Variants in BARHL1 observed in about 807,000 individuals in gnomAD.
BARHL1 encodes barH-like 1 homeobox protein.
BARHL1 carries 2 observed loss-of-function variants against 20.1 expected under a neutral mutation model. The observed-to-expected ratio is 0.10, with a 90% confidence interval of 0.04 to 0.31. BARHL1 has a LOEUF of 0.31. Ranked by LOEUF, BARHL1 falls within the 10% of genes least tolerant of loss-of-function variation. The probability of loss-of-function intolerance (pLI) is 1.00; values close to 1 mark genes in which losing one functional copy is unlikely to be tolerated. For missense variants in BARHL1, 397 were observed against 454.0 expected (o/e 0.87, Z 1.14); for synonymous variants, 213 against 209.9 (o/e 1.01, Z -0.13).
At position 132,589,744 on chromosome 9, in the gene BARHL1, C is replaced by T. The variant is rs1296748386; in HGVS notation, c.*222C>T. ...CCCCCCTCGGCGTCCTCTCTCGCGG[C>T]CGCTCTGTCCGGGAGCCATCCCCAC... On this transcript the variant is annotated 3_prime_UTR_variant, in exon 3 of 3. Transcript: ENST00000263610. The T allele has an allele frequency of 5.6e-6, 3 of 540,520 alleles. No individual in the cohort carries two copies. Among genetic ancestry groups the T allele is most frequent in the African/African-American group, 2.0e-5 (1 of 50,218 alleles). 33.5% of individuals were successfully genotyped at this position (540,520 alleles called of 1,614,324 possible). A position where few individuals can be genotyped will look rare whatever the true frequency, so the allele number is the denominator to read the frequency against.
In BARHL1 at chr9:132,589,459, C is replaced by G; in HGVS notation, c.921C>G (p.Ser307Arg). The change falls in exon 3 of 3, where the codon AGC becomes AGG. Residue 307 changes from serine to arginine, a missense_variant. Transcript: ENST00000263610. ...RILIHGLQGA[S>R]EPPPPLPPLA... Reference sequence around the variant, plus strand: ...TCATCCACGGACTCCAGGGCGCCAGCGAGCCGCCCCCGCCGCTGCCCCCCC... The same window carrying G: ...TCATCCACGGACTCCAGGGCGCCAGGGAGCCGCCCCCGCCGCTGCCCCCCC... 1 of 1,494,884 alleles carries G rather than the reference C, an allele frequency of 6.7e-7. No individual in the cohort carries two copies. The highest frequency in any genetic ancestry group is 8.9e-7 in the Non-Finnish European group (1 of 1,124,752). 92.6% of individuals were successfully genotyped at this position (1,494,884 alleles called of 1,614,324 possible).
chr9:132,583,473 G>C (rs1005136883), intron 1 of BARHL1, among the ~76,000 whole-genome samples: 1 of 152,182 alleles, frequency 6.6e-6, no homozygotes, highest in Non-Finnish European at 1.5e-5. Context: ...TGTGGGCAGG[G>C]GAGGGATACT....
rs763511866 is a variant in BARHL1, at chr9:132,587,543, G to A, written c.681G>A (p.Gln227=). ...LTDTQVKTWY[Q]NRRTKWKRQT... is the part of the protein sequence containing the mutation. ...ACACGCAGGTCAAGACCTGGTACCA[G>A]AACCGCAGGTGAGGCCTGGCTGCGG... The change falls in exon 2 of 3, where the codon CAG becomes CAA. Residue 227 remains glutamine, a synonymous_variant. Transcript: ENST00000263610. The surrounding 1 kb of genome is among the most constrained non-coding windows in gnomAD (Gnocchi z 5.5). 6.2e-7 allele frequency: 1 copy of A among 1,610,368 alleles called. No individual in the cohort carries two copies. Among genetic ancestry groups the A allele is most frequent in the South Asian group, 1.1e-5 (1 of 90,420 alleles).
intron 1 of BARHL1, 86 bp downstream of exon 1, chr9:132,583,349 A>G: frequency 1.6e-6 from 2 of 1,239,008 alleles, no homozygotes; most frequent in Non-Finnish European, 2.2e-6. Flanking sequence ...CGGGACATGC[A>G]CTCGCTCACC....
Position 132,587,270 on chromosome 9 carries a change from G to C in BARHL1, c.467-59G>C, listed in dbSNP as rs916448306. ...GGTTACACAAACGCCACGGGCAGGA[G>C]CGGGAGGGCACCGGCGGCGGCTGCG... On this transcript the variant is annotated intron_variant, in intron 1 of 2. Coordinates refer to ENST00000263610, the MANE Select transcript of BARHL1 (RefSeq NM_020064.4). The surrounding 1 kb of genome is among the most constrained non-coding windows in gnomAD (Gnocchi z 5.5). 9 of 1,464,142 alleles carry C rather than the reference G, an allele frequency of 6.1e-6. No individual in the cohort carries two copies. The highest frequency in any genetic ancestry group is 8.4e-6 in the Non-Finnish European group (9 of 1,077,072). The allele number at this position is 1,464,142 out of a possible 1,614,324, so 90.7% of individuals were successfully genotyped here.
Position 132,582,747 on chromosome 9 carries a change from G to A in BARHL1, c.-51G>A. ...CTAGGGGCAGGGGCAGCGGCGGCTG[G>A]GGTTGGGGGTGGGTGGGGAGCTTTT... On this transcript the variant is annotated 5_prime_UTR_variant, in exon 1 of 3. Coordinates refer to ENST00000263610, the MANE Select transcript of BARHL1 (RefSeq NM_020064.4). The A allele has an allele frequency of 1.4e-6, 2 of 1,479,384 alleles. No homozygotes were observed. Among genetic ancestry groups the A allele is most frequent in the Non-Finnish European group, 1.8e-6 (2 of 1,093,106 alleles). The allele number at this position is 1,479,384 out of a possible 1,614,324, so 91.6% of individuals were successfully genotyped here.
At chr9:132,583,371 C>A in intron 1 of BARHL1, 108 bp downstream of exon 1, 1 of 1,014,132 alleles carries the variant, frequency 9.9e-7, no homozygotes, top group Non-Finnish European at 1.4e-6. Context: ...GGGGGCTCCC[C>A]CAGGGCTCAG....
Position 132,589,474 on chromosome 9 carries a change from G to C in BARHL1, c.936G>C (p.Pro312=), listed in dbSNP as rs1200173501. The change falls in exon 3 of 3, where the codon CCG becomes CCC. Residue 312 remains proline (P), a synonymous_variant. Transcript: ENST00000263610. ...GLQGASEPPP[P]LPPLAGVLPR... is the part of the protein sequence containing the mutation. Reference sequence around the variant, plus strand: ...AGGGCGCCAGCGAGCCGCCCCCGCCGCTGCCCCCCCTGGCCGGCGTCCTCC... The same window carrying C: ...AGGGCGCCAGCGAGCCGCCCCCGCCCCTGCCCCCCCTGGCCGGCGTCCTCC... 3 of 1,519,530 alleles carry C rather than the reference G, an allele frequency of 2.0e-6. No homozygotes were observed. The highest frequency in any genetic ancestry group is 2.6e-6 in the Non-Finnish European group (3 of 1,135,906). 94.1% of individuals were successfully genotyped at this position (1,519,530 alleles called of 1,614,324 possible).
Position 132,589,431 on chromosome 9 carries a change from T to C in BARHL1, c.893T>C (p.Ile298Thr). Reference sequence around the variant, plus strand: ...CTCCAGAGACCTCTGGTGCCCCGCATCCTCATCCACGGACTCCAGGGCGCC... The same window carrying C: ...CTCCAGAGACCTCTGGTGCCCCGCACCCTCATCCACGGACTCCAGGGCGCC... ...PALQRPLVPR[I>T]LIHGLQGASE... Residue 298 changes from isoleucine to threonine, a missense_variant, in exon 3 of 3, where the codon ATC (isoleucine) becomes ACC (threonine). Ile to Thr is a moderately conservative substitution (Grantham distance 89, BLOSUM62 -1). Coordinates refer to ENST00000263610, the MANE Select transcript of BARHL1 (RefSeq NM_020064.4). 2 of 1,608,552 alleles carry C rather than the reference T, an allele frequency of 1.2e-6. No individual in the cohort carries two copies. Among genetic ancestry groups the C allele is most frequent in the Non-Finnish European group, 1.7e-6 (2 of 1,178,286 alleles).
rs1830181911 is a variant in BARHL1 at position 132,589,387 on chromosome 9, C to T, written c.849C>T (p.Pro283=). ...CGGCGCTCTACCTGTACCGCGGCCC[C>T]AGCGCGCCGCCGCCTGCTCTCCAGA... ...PGAALYLYRG[P]SAPPPALQRP... Residue 283 remains proline (P), a synonymous_variant, in exon 3 of 3, where the codon CCC becomes CCT. Transcript: ENST00000263610. 6.2e-7 allele frequency: 1 copy of T among 1,612,576 alleles called. No individual in the cohort carries two copies. The highest frequency in any genetic ancestry group is 1.7e-5 in the Admixed American group (1 of 59,944).
Position 132,587,612 on chromosome 9 carries a change from G to T in BARHL1, c.689+61G>T. The T allele has an allele frequency of 6.8e-7, 1 of 1,477,936 alleles. No individual in the cohort carries two copies. The highest frequency in any genetic ancestry group is 9.2e-7 in the Non-Finnish European group (1 of 1,084,742). 91.6% of individuals were successfully genotyped at this position (1,477,936 alleles called of 1,614,324 possible). On this transcript the variant is annotated intron_variant, in intron 2 of 2. Transcript: ENST00000263610. This position sits in a 1 kb window ranked among gnomAD's most constrained non-coding sequence, Gnocchi z 5.5. ...AACTTCCCCTTTCCTCACAGCTCCT[G>T]GAGGGGACCAGGAGTCTACAGGTTG...
rs112968886 is a variant in BARHL1 at position 132,587,997 on chromosome 9, G to A, written c.689+446G>A. Among the ~76,000 whole-genome samples, 167 of 152,292 alleles carry A rather than the reference G, an allele frequency of 1.1e-3. 2 individuals are homozygous for A. Among genetic ancestry groups the A allele is most frequent in the South Asian group, 3.7e-3 (18 of 4,826 alleles). ...GGGGTGTTGAAGCCTGGCCCAGACC[G>A]GGCAGCTGCCGCAGGGGCCTCAGAG... is the stretch of plus-strand genomic sequence containing the variant. On this transcript the variant is annotated intron_variant, in intron 2 of 2. Coordinates refer to ENST00000263610, the MANE Select transcript of BARHL1 (RefSeq NM_020064.4). The surrounding 1 kb of genome is among the most constrained non-coding windows in gnomAD (Gnocchi z 5.5).
rs547228553 is a variant in BARHL1 at position 132,589,443 on chromosome 9, G to A, written c.905G>A (p.Gly302Glu). ...RPLVPRILIH[G>E]LQGASEPPPP... ...CTGGTGCCCCGCATCCTCATCCACGGACTCCAGGGCGCCAGCGAGCCGCCC... is the reference window on the plus strand; with the variant it reads ...CTGGTGCCCCGCATCCTCATCCACGAACTCCAGGGCGCCAGCGAGCCGCCC... The change falls in exon 3 of 3, where the codon GGA becomes GAA. Residue 302 changes from glycine to glutamate, a missense_variant. Physicochemically the swap from Gly to Glu is moderately conservative, Grantham distance 98. Around this residue, in one of 3 missense-constraint regions of BARHL1, gnomAD observed 121 missense variants for 135.9 expected, o/e 0.89. Coordinates refer to ENST00000263610, the MANE Select transcript of BARHL1 (RefSeq NM_020064.4). 2 of 1,597,432 alleles carry A rather than the reference G, an allele frequency of 1.3e-6. No homozygotes were observed. Among genetic ancestry groups the A allele is most frequent in the East Asian group, 2.3e-5 (1 of 43,344 alleles).
In BARHL1 at chr9:132,587,043, G is replaced by A. The variant is rs930210925; in HGVS notation, c.467-286G>A. Among the ~76,000 whole-genome samples, 3 of 152,222 alleles carry A rather than the reference G, an allele frequency of 2.0e-5. No individual in the cohort carries two copies. The highest frequency in any genetic ancestry group is 4.4e-5 in the Non-Finnish European group (3 of 68,030). ...CTCCAGGGAGCGCGGGCAGAGCGCC[G>A]AGCGCGGCGCAGGGACTGGAGTTCT... On this transcript the variant is annotated intron_variant, in intron 1 of 2. Coordinates refer to ENST00000263610, the MANE Select transcript of BARHL1 (RefSeq NM_020064.4). This position sits in a 1 kb window ranked among gnomAD's most constrained non-coding sequence, Gnocchi z 5.5.
chr9:132,587,721 T>C lies in BARHL1; in HGVS notation c.689+170T>C, dbSNP rs545471605. The stretch of plus-strand genomic sequence containing the variant: ...TAAGGGGACAAGGCCTTGCCCAAAG[T>C]CCCCACAGCGAGGGACAGAGATGAG... On this transcript the variant is annotated intron_variant, in intron 2 of 2. Coordinates refer to ENST00000263610, the MANE Select transcript of BARHL1 (RefSeq NM_020064.4). The surrounding 1 kb of genome is among the most constrained non-coding windows in gnomAD (Gnocchi z 5.5). Among the ~76,000 whole-genome samples, 31 of 152,148 alleles carry C rather than the reference T, an allele frequency of 2.0e-4. No homozygotes were observed. Among genetic ancestry groups the C allele is most frequent in the African/African-American group, 6.5e-4 (27 of 41,498 alleles).
At position 132,589,304 on chromosome 9, in the gene BARHL1, A is replaced by C. The variant is rs1830181046; in HGVS notation, c.766A>C (p.Met256Leu). Reference protein sequence around the residue: ...EAGNYSALQRMFPSPYFYPQS... With the variant: ...EAGNYSALQRLFPSPYFYPQS... ...AGGCAATTACTCAGCGCTCCAGCGG[A>C]TGTTCCCGTCGCCTTATTTCTACCC... Residue 256 changes from methionine to leucine, a missense_variant, in exon 3 of 3, where the codon ATG becomes CTG. Met to Leu is a conservative substitution (Grantham distance 15). Transcript: ENST00000263610. The C allele has an allele frequency of 6.2e-7, 1 of 1,613,384 alleles. No individual in the cohort carries two copies. The highest frequency in any genetic ancestry group is 1.3e-5 in the African/African-American group (1 of 74,926).
intron 2 of BARHL1, among the ~76,000 whole-genome samples, chr9:132,588,007 C>T (rs188804740): frequency 3.0e-4 from 45 of 152,278 alleles, no homozygotes; most frequent in Middle Eastern, 3.4e-3. Context: ...GGGCAGCTGC[C>T]GCAGGGGCCT....
rs577830460 is a variant in BARHL1, at chr9:132,589,703, G to T, written c.*181G>T. The T allele has an allele frequency of 1.7e-5, 14 of 840,508 alleles. No homozygotes were observed. The East Asian group carries it at 4.6e-4, about 28-fold the overall frequency. 52.1% of individuals were successfully genotyped at this position (840,508 alleles called of 1,614,324 possible). A position where few individuals can be genotyped will look rare whatever the true frequency, so the allele number is the denominator to read the frequency against. ...CAAGTCCACTGAGGCCCGGACCCCG[G>T]ACTGCGTCTCCCCAGCCCCCCTCGG... is the stretch of plus-strand genomic sequence containing the variant. On this transcript the variant is annotated 3_prime_UTR_variant, in exon 3 of 3. Transcript: ENST00000263610.
chr9:132,589,867 T>G lies in BARHL1; in HGVS notation c.*345T>G. 45 of 188,774 alleles carry G rather than the reference T, an allele frequency of 2.4e-4. No homozygotes were observed. Among genetic ancestry groups the G allele is most frequent in the East Asian group, 6.5e-4 (5 of 7,644 alleles). The allele number at this position is 188,774 out of a possible 1,614,324, so 11.7% of individuals were successfully genotyped here. A position where few individuals can be genotyped will look rare whatever the true frequency, so the allele number is the denominator to read the frequency against. Reference sequence around the variant, plus strand: ...TCTCCCCAGGAGCGGGTGCGGCTGATTCCCAGGCTTCGCTCTCTCCCACGC... The same window carrying G: ...TCTCCCCAGGAGCGGGTGCGGCTGAGTCCCAGGCTTCGCTCTCTCCCACGC... On this transcript the variant is annotated 3_prime_UTR_variant, in exon 3 of 3. Transcript: ENST00000263610.
Sources: allele counts gnomAD v4.1 joint callset (sites outside exome capture counted in the v4.1 genomes callset), GRCh38; gene constraint gnomAD v4.1.1; regional missense constraint gnomAD v4.1.1; non-coding constraint Gnocchi (gnomAD v3.1); transcripts MANE v1.5; gene names NCBI Gene and HGNC (gene_info 2026-07-23, HGNC 2026-07-21).